Variants in DNER observed in about 807,000 individuals in gnomAD.
DNER encodes the protein delta and Notch-like epidermal growth factor-related receptor.
In DNER, 33 loss-of-function variants were observed where a neutral mutation model predicts 78.2. That is an observed-to-expected ratio of 0.42 (90% CI 0.32 to 0.56). The LOEUF (loss-of-function observed/expected upper bound fraction) is 0.56, where lower values mean the gene tolerates loss of function less well. DNER is among the 20% of genes least tolerant of loss of function. DNER has a pLI of 0.11. For synonymous variants in DNER, 417 were observed against 384.8 expected (o/e 1.08, Z -0.98); for missense variants, 918 against 975.3 (o/e 0.94, Z 0.78).
chr2:229,624,671 G>A (rs1399332240), intron 1 of DNER, among the ~76,000 whole-genome samples: 1 of 152,190 alleles, frequency 6.6e-6, no homozygotes, highest in East Asian at 1.9e-4. Context: ...AGGTACGTTT[G>A]CCTGCATGCA....
chr2:229,382,876 G>T (rs957676242), intron 11 of DNER, among the ~76,000 whole-genome samples: 2 of 152,164 alleles, frequency 1.3e-5, no homozygotes. Flanking sequence ...CCCCAACCTA[G>T]CAAGACAGGC....
At chr2:229,462,268 A>G (rs1417709825) in intron 7 of DNER, among the ~76,000 whole-genome samples, 1 of 152,156 alleles carries the variant, frequency 6.6e-6, no homozygotes, top group Non-Finnish European at 1.5e-5. Flanking sequence ...TATTGTCAGA[A>G]AGCAATAGAG....
chr2:229,561,356 T>C (rs533167264), intron 4 of DNER, among the ~76,000 whole-genome samples: 2 of 152,176 alleles, frequency 1.3e-5, no homozygotes, highest in Non-Finnish European at 2.9e-5. Context: ...GATGATATCC[T>C]AGCAAACATA....
chr2:229,502,039 C>T (rs1018844428), intron 6 of DNER, among the ~76,000 whole-genome samples: 6 of 152,066 alleles, frequency 3.9e-5, no homozygotes, highest in Non-Finnish European at 5.9e-5. Flanking sequence ...CTAAGAGTAA[C>T]GGAAGAACTA....
chr2:229,499,939 T>C (rs1194835925), intron 6 of DNER, among the ~76,000 whole-genome samples: 1 of 151,308 alleles, frequency 6.6e-6, no homozygotes, highest in African/African-American at 2.4e-5. Context: ...TTCTTTTTTT[T>C]TTTTTTTCTC....
intron 1 of DNER, among the ~76,000 whole-genome samples, chr2:229,688,172 G>A (rs945279747): frequency 6.6e-6 from 1 of 152,214 alleles, no homozygotes; most frequent in African/African-American, 2.4e-5. Flanking sequence ...TTCCTGGAAA[G>A]GACTGGTCCG....
chr2:229,451,313 C>T (rs1232247734), intron 7 of DNER, among the ~76,000 whole-genome samples: 1 of 152,012 alleles, frequency 6.6e-6, no homozygotes, highest in Non-Finnish European at 1.5e-5. Context: ...AAAAATTAGC[C>T]GGGTGTGGTG....
chr2:229,528,051 C>T (rs7574020), intron 5 of DNER, among the ~76,000 whole-genome samples: 1 of 152,178 alleles, frequency 6.6e-6, no homozygotes, highest in Non-Finnish European at 1.5e-5. Context: ...GCTAATGACT[C>T]GAACTCAGAA....
chr2:229,678,889 A>G (rs539732504), intron 1 of DNER, among the ~76,000 whole-genome samples: 2 of 152,348 alleles, frequency 1.3e-5, no homozygotes, highest in East Asian at 1.9e-4. Flanking sequence ...TAATAAATAC[A>G]TCTACGATCT....
rs1699569092 is a variant in DNER, at chr2:229,691,386, C to T, written c.276+22762G>A. Among the ~76,000 whole-genome samples, 2 of 152,032 alleles carry T rather than the reference C, an allele frequency of 1.3e-5. 1 individual carries two copies. Among genetic ancestry groups the T allele is most frequent in the South Asian group, 4.2e-4 (2 of 4,814 alleles). ...GCTCTGGTTCACTCTTAATGGAAAA[C>T]TACTATCCTTTGAGTTTCTAGTCCT... is the stretch of plus-strand genomic sequence containing the variant. On this transcript the variant is annotated intron_variant, in intron 1 of 12. Coordinates refer to ENST00000341772, the MANE Select transcript of DNER (RefSeq NM_139072.4).
intron 7 of DNER, among the ~76,000 whole-genome samples, chr2:229,466,149 C>A (rs965258285): frequency 2.0e-4 from 31 of 152,146 alleles, no homozygotes; most frequent in African/African-American, 6.0e-4. Flanking sequence ...TCCTGCTAAA[C>A]CCATTCATGG....
chr2:229,490,918 T>C (rs2098577), intron 6 of DNER, among the ~76,000 whole-genome samples: 18,998 of 152,198 alleles, frequency 0.12, 1,329 homozygotes, highest in South Asian at 0.2. Flanking sequence ...TCTAGCCTGA[T>C]AAATGCACAT....
At chr2:229,605,684 A>C (rs1229090168) in intron 1 of DNER, among the ~76,000 whole-genome samples, 2 of 151,560 alleles carry the variant, frequency 1.3e-5, no homozygotes, top group African/African-American at 4.9e-5. Flanking sequence ...GATTATAGAC[A>C]CCATAACAGC....
At chr2:229,569,120 T>C (rs113309827) in intron 4 of DNER, among the ~76,000 whole-genome samples, 1 of 152,332 alleles carries the variant, frequency 6.6e-6, no homozygotes, top group South Asian at 2.1e-4. Flanking sequence ...TCTATGTGTG[T>C]GCATATACAT....
chr2:229,695,491 G>T (rs1298602600), intron 1 of DNER, among the ~76,000 whole-genome samples: 1 of 152,190 alleles, frequency 6.6e-6, no homozygotes, highest in East Asian at 1.9e-4. Flanking sequence ...TTAATGCTCT[G>T]GTGGAGACAG....
chr2:229,442,254 G>A (rs969992441), intron 8 of DNER, among the ~76,000 whole-genome samples: 2 of 152,296 alleles, frequency 1.3e-5, no homozygotes, highest in Non-Finnish European at 2.9e-5. Context: ...CAGTGCTCAC[G>A]CCTGTAATCC....
intron 4 of DNER, among the ~76,000 whole-genome samples, chr2:229,581,820 A>C (rs1435109120): frequency 6.6e-6 from 1 of 152,228 alleles, no homozygotes; most frequent in Non-Finnish European, 1.5e-5. Context: ...ACACAGAAGG[A>C]ACTCCTCTGC....
chr2:229,419,764 G>A (rs1693725294), intron 8 of DNER, among the ~76,000 whole-genome samples: 1 of 151,530 alleles, frequency 6.6e-6, no homozygotes, highest in African/African-American at 2.4e-5. Context: ...TGTAACTTTA[G>A]GGAAATATTT....
intron 9 of DNER, among the ~76,000 whole-genome samples, chr2:229,408,294 T>G (rs920490057): frequency 6.6e-6 from 1 of 152,194 alleles, no homozygotes; most frequent in African/African-American, 2.4e-5. Context: ...GTATCTATTT[T>G]TTTATAATTT....
Sources: allele counts gnomAD v4.1 joint callset (sites outside exome capture counted in the v4.1 genomes callset), GRCh38; gene constraint gnomAD v4.1.1; transcripts MANE v1.5; gene names NCBI Gene and HGNC (gene_info 2026-07-23, HGNC 2026-07-21).